TMPRSS3: variants seen among roughly 807,000 people sequenced by gnomAD.
TMPRSS3 encodes transmembrane serine protease 3.
A neutral mutation model predicts 59.6 loss-of-function variants in TMPRSS3; 55 were observed. The ratio of observed to expected loss-of-function variants is 0.92; its 90% CI spans 0.74 to 1.16. The LOEUF (loss-of-function observed/expected upper bound fraction) is 1.16, where lower values mean the gene tolerates loss of function less well. Ranked by LOEUF, TMPRSS3 falls within the 50% of genes most tolerant of loss-of-function variation. TMPRSS3 has a pLI of 0.00. For missense variants in TMPRSS3, 596 were observed against 579.4 expected (o/e 1.03, Z -0.29); for synonymous variants, 257 against 237.7 (o/e 1.08, Z -0.75).
chr21:42,385,823 T>C (rs2052626044), intron 5 of TMPRSS3, among the ~76,000 whole-genome samples: 1 of 152,162 alleles, frequency 6.6e-6, no homozygotes, highest in African/African-American at 2.4e-5. Context: ...ATCTCCTATG[T>C]CCTTGGTTGA....
chr21:42,382,390 C>T (rs1324847141), intron 8 of TMPRSS3, 156 bp from the exon 9 acceptor site: 1 of 701,768 alleles, frequency 1.4e-6, no homozygotes, highest in Non-Finnish European at 2.5e-6. Context: ...TATGCAACTG[C>T]ACTGCCACGC....
intron 6 of TMPRSS3, among the ~76,000 whole-genome samples, chr21:42,384,305 T>G (rs1330052513): frequency 6.6e-6 from 1 of 152,196 alleles, no homozygotes; most frequent in Non-Finnish European, 1.5e-5. Flanking sequence ...ATATATTCTA[T>G]CAACATGTCA....
chr21:42,392,921 G>A (rs1331145813), intron 2 of TMPRSS3, among the ~76,000 whole-genome samples: 1 of 152,252 alleles, frequency 6.6e-6, no homozygotes, highest in Admixed American at 6.5e-5. Flanking sequence ...CACTGCAGGG[G>A]CCCCACGCCT....
At chr21:42,380,612 C>T (rs960312242) in intron 9 of TMPRSS3, among the ~76,000 whole-genome samples, 1 of 152,250 alleles carries the variant, frequency 6.6e-6, no homozygotes, top group Non-Finnish European at 1.5e-5. Context: ...TACCAAAACA[C>T]GATGGGGCAG....
intron 11 of TMPRSS3, 54 bp from the exon 12 acceptor site, chr21:42,375,922 T>G: frequency 6.2e-7 from 1 of 1,606,920 alleles, no homozygotes. Flanking sequence ...CATGCGAGAT[T>G]GCTTTCTGTG....
chr21:42,384,171 C>A, intron 6 of TMPRSS3, among the ~76,000 whole-genome samples, 158 bp from the exon 7 acceptor site: 1 of 127,266 alleles, frequency 7.9e-6, no homozygotes, highest in Admixed American at 7.5e-5. Flanking sequence ...AAAAAAAAAA[C>A]CATGAGGATG....
At chr21:42,377,529 C>A (rs1221232163) in intron 10 of TMPRSS3, among the ~76,000 whole-genome samples, 1 of 152,194 alleles carries the variant, frequency 6.6e-6, no homozygotes, top group African/African-American at 2.4e-5. Context: ...TGAGATGATA[C>A]CTTTCTGTCA....
At chr21:42,373,725 T>TG (rs1016462351) in intron 12 of TMPRSS3, among the ~76,000 whole-genome samples, 4 of 152,128 alleles carry the variant, frequency 2.6e-5, no homozygotes, top group Non-Finnish European at 4.4e-5. Context: ...CCTTGTTAGC[T>TG]GGGGGGGCCT....
chr21:42,387,026 G>C (rs1239040333), intron 5 of TMPRSS3, among the ~76,000 whole-genome samples: 4 of 152,158 alleles, frequency 2.6e-5, no homozygotes, highest in Admixed American at 2.0e-4. Context: ...TGTAGAGGGA[G>C]CATATTAAGG....
intron 7 of TMPRSS3, chr21:42,383,640 G>A (rs567814587): frequency 7.1e-6 from 4 of 564,994 alleles, no homozygotes; most frequent in African/African-American, 3.7e-5. Flanking sequence ...CACTGCCCGA[G>A]GCCTGGAGTG....
chr21:42,389,189 T>C (rs1213152796), intron 3 of TMPRSS3, 144 bp from the exon 4 acceptor site: 12 of 1,507,826 alleles, frequency 8.0e-6, no homozygotes, highest in Non-Finnish European at 1.1e-5. Flanking sequence ...GCAGCCTGTT[T>C]CCTGCAGCCC....
intron 7 of TMPRSS3, chr21:42,383,633 T>A: frequency 1.8e-6 from 1 of 547,922 alleles, no homozygotes; most frequent in Non-Finnish European, 3.4e-6. Context: ...CGAGGGGCAC[T>A]GCCCGAGGCC....
intron 6 of TMPRSS3, 124 bp from the exon 7 acceptor site, chr21:42,384,137 T>C: frequency 1.2e-6 from 1 of 867,258 alleles, no homozygotes; most frequent in African/African-American, 2.0e-5. Context: ...GAATATAGAT[T>C]ACAATTTTAG....
intron 5 of TMPRSS3, among the ~76,000 whole-genome samples, chr21:42,386,168 G>C (rs572720393): frequency 6.6e-6 from 1 of 152,212 alleles, no homozygotes; most frequent in Non-Finnish European, 1.5e-5. Flanking sequence ...TGTTTGGAGA[G>C]TCACAAGATG....
intron 9 of TMPRSS3, among the ~76,000 whole-genome samples, chr21:42,381,267 G>T (rs1341064041): frequency 6.6e-6 from 1 of 152,218 alleles, no homozygotes; most frequent in Non-Finnish European, 1.5e-5. Context: ...TGTCCAGAGG[G>T]CAGGGCTTGA....
chr21:42,384,068 A>G (rs2052584063), intron 6 of TMPRSS3, 55 bp from the exon 7 acceptor site: 1 of 1,568,338 alleles, frequency 6.4e-7, no homozygotes, highest in Non-Finnish European at 8.8e-7. Flanking sequence ...TGTGAAAGGA[A>G]CACTCTTAAA....
chr21:42,379,723 T>A (rs2052489322), intron 10 of TMPRSS3, among the ~76,000 whole-genome samples: 1 of 152,080 alleles, frequency 6.6e-6, no homozygotes, highest in African/African-American at 2.4e-5. Flanking sequence ...AAAGAACACA[T>A]CTTCCAAAGT....
intron 9 of TMPRSS3, among the ~76,000 whole-genome samples, chr21:42,380,531 T>C (rs1351721363): frequency 1.3e-5 from 2 of 152,184 alleles, no homozygotes; most frequent in Admixed American, 6.5e-5. Flanking sequence ...CTGGCTGCCA[T>C]TGGAGCATGA....
chr21:42,387,895 A>C (rs2839504), intron 5 of TMPRSS3, among the ~76,000 whole-genome samples: 64,644 of 152,122 alleles, frequency 0.42, 15,256 homozygotes, highest in African/African-American at 0.64. Context: ...TGAATAGTCA[A>C]CTGTTATAGT....
Sources: allele counts gnomAD v4.1 joint callset (sites outside exome capture counted in the v4.1 genomes callset), GRCh38; gene constraint gnomAD v4.1.1; transcripts MANE v1.5; gene names NCBI Gene and HGNC (gene_info 2026-07-23, HGNC 2026-07-21).